The following WWTR1 variants were observed in gnomAD, a reference collection of about 807,000 sequenced individuals.
The protein encoded by WWTR1 is WW domain-containing transcription regulator protein 1.
WWTR1 carries 13 observed loss-of-function variants against 40.1 expected under a neutral mutation model. That is an observed-to-expected ratio of 0.32 (90% CI 0.21 to 0.52). The LOEUF (loss-of-function observed/expected upper bound fraction) is 0.52. Among genes scored for constraint, WWTR1 ranks in the 20% least tolerant of loss-of-function variants. The probability of loss-of-function intolerance (pLI) is 0.97; values close to 1 mark genes in which losing one functional copy is unlikely to be tolerated. For synonymous variants in WWTR1, 230 were observed against 210.1 expected, an observed-to-expected ratio of 1.09 and a Z score of -0.82; for missense variants, 436 against 523.1, an observed-to-expected ratio of 0.83 and a Z score of 1.63.
At chr3:149,613,452 C>A (rs982211906) in intron 2 of WWTR1, among the ~76,000 whole-genome samples, 1 of 152,202 alleles carries the variant, frequency 6.6e-6, no homozygotes, top group African/African-American at 2.4e-5. Context: ...GGTTCAGAAA[C>A]ATTATCTATC....
At chr3:149,572,258 G>A (rs1737669905) in intron 3 of WWTR1, among the ~76,000 whole-genome samples, 1 of 152,048 alleles carries the variant, frequency 6.6e-6, no homozygotes, top group South Asian at 2.1e-4. Flanking sequence ...GAAGCACTTG[G>A]CATGCTATCT....
At chr3:149,713,011 C>A (rs544069031) in intron 5 of WWTR1, among the ~76,000 whole-genome samples, 1 of 152,102 alleles carries the variant, frequency 6.6e-6, no homozygotes, top group Non-Finnish European at 1.5e-5. Flanking sequence ...TTTTTCTCTC[C>A]ACCCACACTG....
chr3:149,661,065 T>C (rs1204053453), upstream of WWTR1: 1 of 152,040 alleles, frequency 6.6e-6, no homozygotes. Context: ...TCCCATCCCA[T>C]CCCCTAGGAA....
intron 3 of WWTR1, among the ~76,000 whole-genome samples, chr3:149,570,599 TAATAAC>T (rs1262079025): frequency 7.3e-6 from 1 of 136,428 alleles, no homozygotes; most frequent in Non-Finnish European, 1.6e-5. Flanking sequence ...ATAATAATAA[TAATAAC>T]AAAAATTAAA....
intron 5 of WWTR1, among the ~76,000 whole-genome samples, chr3:149,710,570 T>TGCCCC (rs1715449610): frequency 5.5e-5 from 1 of 18,186 alleles, no homozygotes; most frequent in African/African-American, 1.8e-4. Flanking sequence ...TATCCCCGCC[T>TGCCCC]CCCCCCCCCC....
upstream of WWTR1, among the ~76,000 whole-genome samples, chr3:149,662,336 C>T (rs1470878289): frequency 6.6e-6 from 1 of 152,118 alleles, no homozygotes. Context: ...AAAGAAACTC[C>T]ACAGCTTTTA....
intron 5 of WWTR1, among the ~76,000 whole-genome samples, chr3:149,526,935 T>C (rs1267688629): frequency 6.6e-6 from 1 of 152,234 alleles, no homozygotes; most frequent in Non-Finnish European, 1.5e-5. Context: ...TCCTTTGTTT[T>C]AATTACTTTT....
intron 2 of WWTR1, among the ~76,000 whole-genome samples, chr3:149,625,100 CT>C (rs759849000): frequency 0.049 from 4,736 of 96,348 alleles, 148 homozygotes; most frequent in African/African-American, 0.16. Context: ...CAACTCTACC[CT>C]TTTTTTTTTT....
intron 2 of WWTR1, among the ~76,000 whole-genome samples, chr3:149,595,157 T>A (rs1415191371): frequency 1.3e-5 from 2 of 151,740 alleles, no homozygotes; most frequent in African/African-American, 4.8e-5. Flanking sequence ...AGACAGGGTT[T>A]CACCATGCTG....
intron 3 of WWTR1, among the ~76,000 whole-genome samples, chr3:149,550,341 T>G (rs1446361863): frequency 2.0e-5 from 3 of 152,164 alleles, no homozygotes; most frequent in Non-Finnish European, 2.9e-5. Context: ...CTAAAGAAAG[T>G]TAAAATAATT....
At chr3:149,580,917 A>G (rs185529934) in intron 2 of WWTR1, among the ~76,000 whole-genome samples, 1 of 152,316 alleles carries the variant, frequency 6.6e-6, no homozygotes, top group East Asian at 1.9e-4. Context: ...TGGCGACAAT[A>G]TTAAGATTAG....
intron 1 of WWTR1, among the ~76,000 whole-genome samples, chr3:149,686,861 A>G (rs918863217): frequency 2.6e-5 from 4 of 152,108 alleles, no homozygotes; most frequent in African/African-American, 2.4e-5. Flanking sequence ...CTTCTGAACT[A>G]TGGGAGTTCT....
intron 1 of WWTR1, among the ~76,000 whole-genome samples, chr3:149,685,146 C>T (rs531142452): frequency 6.6e-6 from 1 of 152,244 alleles, no homozygotes; most frequent in East Asian, 1.9e-4. Context: ...GAGGAATTGC[C>T]TTACAAACCA....
chr3:149,637,230 GT>G (rs76860341), intron 2 of WWTR1, among the ~76,000 whole-genome samples: 83,561 of 143,220 alleles, frequency 0.58, 24,298 homozygotes, highest in Middle Eastern at 0.71. Flanking sequence ...TATTGAGTAT[GT>G]TTTTTTTTTT....
chr3:149,616,444 CT>C (rs570202828), intron 2 of WWTR1, among the ~76,000 whole-genome samples: 272 of 145,050 alleles, frequency 1.9e-3, no homozygotes, highest in East Asian at 0.011. Context: ...CTCTCTCTCT[CT>C]TTTTTTTTTT....
chr3:149,557,061 CTTTTTTTTT>C (rs3044118), intron 3 of WWTR1, among the ~76,000 whole-genome samples: 4 of 64,374 alleles, frequency 6.2e-5, no homozygotes, highest in East Asian at 1.5e-3. Context: ...CTGGAATCTT[CTTTTTTTTT>C]TTTTTTTTTT....
chr3:149,695,119 G>A (rs1714943133), intron 1 of WWTR1, among the ~76,000 whole-genome samples: 1 of 152,136 alleles, frequency 6.6e-6, no homozygotes, highest in African/African-American at 2.4e-5. Flanking sequence ...ACACTTGAAT[G>A]CATGGAGATA....
chr3:149,544,077 A>C (rs1292548317), intron 3 of WWTR1, among the ~76,000 whole-genome samples: 1 of 151,936 alleles, frequency 6.6e-6, no homozygotes, highest in Non-Finnish European at 1.5e-5. Flanking sequence ...GGCTTAAGTT[A>C]AATACTTTTC....
rs142024658 is a variant in WWTR1 at position 149,534,750 on chromosome 3, C to T, written c.772-6781G>A. ...GGTGGAAAGACTTGCAAAATAAGGG[C>T]TCAAGAATCTCTTGGTGAGTTTGTG... On this transcript the variant is annotated intron_variant, in intron 4 of 6. Coordinates refer to ENST00000360632, the MANE Select transcript of WWTR1 (RefSeq NM_015472.6). 1.6e-4 allele frequency among the ~76,000 whole-genome samples: 25 copies of T among 152,328 alleles called. No homozygotes were observed. The East Asian group carries it at 2.7e-3, about 16-fold the overall frequency.
Sources: allele counts gnomAD v4.1 joint callset (sites outside exome capture counted in the v4.1 genomes callset), GRCh38; gene constraint gnomAD v4.1.1; transcripts MANE v1.5; gene names NCBI Gene and HGNC (gene_info 2026-07-23, HGNC 2026-07-21).